The following SLC17A1 variants were observed in gnomAD, a reference collection of about 807,000 sequenced individuals.
SLC17A1 encodes the protein sodium-dependent phosphate transport protein 1.
Under a neutral mutation model 53.5 loss-of-function variants are expected in SLC17A1, and 51 were observed. The ratio of observed to expected loss-of-function variants is 0.95; its 90% confidence interval spans 0.76 to 1.20. The LOEUF (loss-of-function observed/expected upper bound fraction) is 1.20, where lower values mean the gene tolerates loss of function less well. Among genes scored for constraint, SLC17A1 ranks in the 50% most tolerant of loss-of-function variants. SLC17A1 has a pLI of 0.00. For synonymous variants in SLC17A1, 179 were observed against 198.8 expected (o/e 0.90, Z 0.84); for missense variants, 538 against 568.2 (o/e 0.95, Z 0.54).
chr6:25,831,082 T>C (rs1251205551), intron 1 of SLC17A1, among the ~76,000 whole-genome samples: 1 of 152,216 alleles, frequency 6.6e-6, no homozygotes, highest in Non-Finnish European at 1.5e-5. Context: ...TGGAAGATAC[T>C]ATCTGCTTAT....
chr6:25,818,866 G>A (rs966705500), intron 6 of SLC17A1, among the ~76,000 whole-genome samples: 3 of 152,118 alleles, frequency 2.0e-5, no homozygotes, highest in Non-Finnish European at 2.9e-5. Context: ...TAAAAGTTAT[G>A]TACAAAAATA....
chr6:25,812,829 A>G lies in SLC17A1; in HGVS notation c.897+2T>C. On this transcript the variant is annotated splice_donor_variant, in intron 8 of 12. Coordinates refer to ENST00000244527, the MANE Select transcript of SLC17A1 (RefSeq NM_005074.5). LOFTEE classifies it high-confidence loss of function. Reference sequence around the variant, plus strand: ...AAAAAAAAGAACAAATAGTATACTTACCTCTTTTATATTAACATGAAGCAT... The same window carrying G: ...AAAAAAAAGAACAAATAGTATACTTGCCTCTTTTATATTAACATGAAGCAT... 9 of 1,596,640 alleles carry G rather than the reference A, an allele frequency of 5.6e-6. No individual in the cohort carries two copies. The highest frequency in any genetic ancestry group is 7.7e-6 in the Non-Finnish European group (9 of 1,168,388).
chr6:25,776,085 T>A, the SLC17A1 span, among the ~76,000 whole-genome samples: 32 of 152,162 alleles, frequency 2.1e-4, no homozygotes, highest in African/African-American at 7.2e-4. Context: ...CAAATTGCCC[T>A]CAATAGAGCA....
the SLC17A1 span, among the ~76,000 whole-genome samples, chr6:25,753,263 TA>T: frequency 1.3e-5 from 2 of 152,120 alleles, no homozygotes; most frequent in Non-Finnish European, 2.9e-5. Flanking sequence ...AAGGCAGAAC[TA>T]GTTGGAATTT....
the SLC17A1 span, chr6:25,768,857 C>G: frequency 1.2e-6 from 1 of 865,892 alleles, no homozygotes; most frequent in Non-Finnish European, 1.8e-6. Flanking sequence ...TACACACCTA[C>G]AGAGGAATGT....
the SLC17A1 span, chr6:25,770,084 G>C: frequency 6.2e-7 from 1 of 1,613,962 alleles, no homozygotes; most frequent in Non-Finnish European, 8.5e-7. Flanking sequence ...CATATGACTG[G>C]AGTCCTGAAA....
chr6:25,731,829 A>AC, the SLC17A1 span: 1 of 1,602,430 alleles, frequency 6.2e-7, no homozygotes, highest in South Asian at 1.1e-5. Context: ...GCCCTCCGAC[A>AC]CAACGTGCTT....
chr6:25,802,935 CTTTTTTTTTTTTT>C (rs34669145), intron 10 of SLC17A1, among the ~76,000 whole-genome samples: 3 of 46,098 alleles, frequency 6.5e-5, no homozygotes, highest in Admixed American at 3.4e-4. Flanking sequence ...CTATCTTCTT[CTTTTTTTTTTTTT>C]TTTTTTTTTT....
the SLC17A1 span, among the ~76,000 whole-genome samples, chr6:25,752,681 G>A: frequency 3.3e-5 from 5 of 152,182 alleles, no homozygotes; most frequent in South Asian, 2.1e-4. Context: ...GGCCGGGTGC[G>A]GTGGCTCACG....
chr6:25,741,773 T>A, the SLC17A1 span, among the ~76,000 whole-genome samples: 4 of 151,898 alleles, frequency 2.6e-5, no homozygotes, highest in Non-Finnish European at 4.4e-5. Context: ...TGGTTGTGCA[T>A]GCCTGTAATC....
the SLC17A1 span, among the ~76,000 whole-genome samples, chr6:25,748,105 C>T: frequency 2.0e-5 from 3 of 152,122 alleles, no homozygotes; most frequent in Non-Finnish European, 4.4e-5. Flanking sequence ...TATACCTTAA[C>T]CTAAACCCCA....
chr6:25,774,599 G>A, the SLC17A1 span, among the ~76,000 whole-genome samples: 1 of 152,172 alleles, frequency 6.6e-6, no homozygotes, highest in Non-Finnish European at 1.5e-5. Context: ...TTAATCCAGG[G>A]GATTGGGACA....
chr6:25,778,940 G>A, downstream of SLC17A1: 1 of 1,375,866 alleles, frequency 7.3e-7, no homozygotes, highest in South Asian at 1.3e-5. Context: ...GAAGCCCATG[G>A]AAGCCAGAGT....
chr6:25,747,849 C>T, the SLC17A1 span, among the ~76,000 whole-genome samples: 1 of 152,282 alleles, frequency 6.6e-6, no homozygotes, highest in Non-Finnish European at 1.5e-5. Context: ...TACATTTCTG[C>T]TGTTTAAGCC....
chr6:25,746,557 G>C, the SLC17A1 span, among the ~76,000 whole-genome samples: 1 of 152,010 alleles, frequency 6.6e-6, no homozygotes, highest in Non-Finnish European at 1.5e-5. Context: ...TCAGTAGTAA[G>C]ATAGTTTTAT....
At position 25,815,007 on chromosome 6, in the gene SLC17A1, A is replaced by T. The variant is rs1175384828; in HGVS notation, c.617-1794T>A. Among the ~76,000 whole-genome samples the T allele has an allele frequency of 5.5e-3, 819 of 149,626 alleles. 4 individuals carry two copies. Among genetic ancestry groups the T allele is most frequent in the Non-Finnish European group, 8.9e-3 (596 of 67,248 alleles). On this transcript the variant is annotated intron_variant, in intron 6 of 12. Transcript: ENST00000244527. ...GTCACACAAACACACACACACACAC[A>T]CACACACACACACACACACACACAA...
At chr6:25,753,050 G>C in the SLC17A1 span, among the ~76,000 whole-genome samples, 1 of 151,718 alleles carries the variant, frequency 6.6e-6, no homozygotes, top group Non-Finnish European at 1.5e-5. Context: ...AATTAAAAAA[G>C]ATTTATTAAA....
the SLC17A1 span, chr6:25,727,159 A>C: frequency 1.9e-6 from 3 of 1,614,192 alleles, no homozygotes; most frequent in Non-Finnish European, 2.5e-6. Flanking sequence ...CGTTTGGCTC[A>C]CTACAGCAAG....
chr6:25,736,160 C>T, the SLC17A1 span, among the ~76,000 whole-genome samples: 1 of 152,120 alleles, frequency 6.6e-6, no homozygotes. Flanking sequence ...TCAGATTCCA[C>T]TCTCTGAGGA....
Sources: gnomAD v4.1 joint callset for allele counts (sites outside exome capture counted in the v4.1 genomes callset) on GRCh38, gnomAD v4.1.1 for gene constraint, MANE v1.5 for transcripts, NCBI Gene and HGNC (gene_info 2026-07-23, HGNC 2026-07-21) for gene names.